Variants in HS3ST4 observed in about 807,000 individuals in gnomAD.
HS3ST4 encodes the protein heparan sulfate glucosamine 3-O-sulfotransferase 4.
In HS3ST4, 17 loss-of-function variants were observed where a neutral mutation model predicts 29.2. The ratio of observed to expected loss-of-function variants is 0.58; its 90% confidence interval spans 0.40 to 0.87. HS3ST4 has a LOEUF of 0.87. Ranked by LOEUF, HS3ST4 falls within the 40% of genes least tolerant of loss-of-function variation. HS3ST4 has a pLI of 0.00. For synonymous variants in HS3ST4, 314 were observed against 285.7 expected, an observed-to-expected ratio of 1.10 and a Z score of -1.00; for missense variants, 627 against 634.5, an observed-to-expected ratio of 0.99 and a Z score of 0.13.
At chr16:25,762,301 C>CGTG (rs762211871) in intron 1 of HS3ST4, among the ~76,000 whole-genome samples, 6 of 152,122 alleles carry the variant, frequency 3.9e-5, no homozygotes, top group Non-Finnish European at 8.8e-5. Flanking sequence ...AGGATTTGAA[C>CGTG]GTGGGTCAGT....
intron 1 of HS3ST4, among the ~76,000 whole-genome samples, chr16:26,008,636 T>C (rs1969281040): frequency 6.6e-6 from 1 of 152,046 alleles, no homozygotes; most frequent in Non-Finnish European, 1.5e-5. Flanking sequence ...CTGACCAACA[T>C]GGTGAAAGCC....
At position 26,079,967 on chromosome 16, in the gene HS3ST4, C is replaced by CA. The variant is rs1189571286; in HGVS notation, c.735-55638dup. ...CATTTGATCTCTACAATAACTCTACCAAAAAAAGAGGTCCCATTGATAGCC... is the reference window on the plus strand; with the variant it reads ...CATTTGATCTCTACAATAACTCTACCAAAAAAAAGAGGTCCCATTGATAGCC... On this transcript the variant is annotated intron_variant, in intron 1 of 1. Coordinates refer to ENST00000331351, the MANE Select transcript of HS3ST4 (RefSeq NM_006040.3). Among the ~76,000 whole-genome samples, 3 of 151,982 alleles carry CA rather than the reference C, an allele frequency of 2.0e-5. 1 individual carries two copies. Among genetic ancestry groups the CA allele is most frequent in the Admixed American group, 6.6e-5 (1 of 15,260 alleles).
intron 1 of HS3ST4, among the ~76,000 whole-genome samples, chr16:25,993,805 G>A (rs1969134152): frequency 6.6e-6 from 1 of 152,028 alleles, no homozygotes; most frequent in East Asian, 1.9e-4. Flanking sequence ...TGTAAACTAA[G>A]TGGCTTAAAT....
At chr16:25,975,239 T>C (rs561795422) in intron 1 of HS3ST4, among the ~76,000 whole-genome samples, 1 of 151,436 alleles carries the variant, frequency 6.6e-6, no homozygotes, top group Admixed American at 6.6e-5. Flanking sequence ...GAGCTAAACA[T>C]TGGGTATACA....
Position 25,981,609 on chromosome 16 carries a change from C to CTTTT in HS3ST4, c.735-153989_735-153986dup, listed in dbSNP as rs376892231. Among the ~76,000 whole-genome samples, 399 of 136,788 alleles carry CTTTT rather than the reference C, an allele frequency of 2.9e-3. 5 individuals are homozygous for CTTTT. Among genetic ancestry groups the CTTTT allele is most frequent in the African/African-American group, 9.7e-3 (354 of 36,494 alleles). The allele number at this position is 136,788 out of a possible 152,430, so 89.7% of individuals were successfully genotyped here. A position where few individuals can be genotyped will look rare whatever the true frequency, so the allele number is the denominator to read the frequency against. ...ATACTGCTGATGTAATGGTGGAGTT[C>CTTTT]TTTTTTTTTTTTTTTTTAGACGGAA... On this transcript the variant is annotated intron_variant, in intron 1 of 1. Coordinates refer to ENST00000331351, the MANE Select transcript of HS3ST4 (RefSeq NM_006040.3).
chr16:25,859,322 T>C (rs553897219), intron 1 of HS3ST4, among the ~76,000 whole-genome samples: 1 of 152,308 alleles, frequency 6.6e-6, no homozygotes, highest in South Asian at 2.1e-4. Context: ...ATTATCTTAT[T>C]TAATTCTCAT....
chr16:25,942,814 A>G (rs958164814), intron 1 of HS3ST4, among the ~76,000 whole-genome samples: 1 of 151,714 alleles, frequency 6.6e-6, no homozygotes, highest in Non-Finnish European at 1.5e-5. Context: ...TAGAGACAGA[A>G]TCCTGCTATG....
At position 26,006,300 on chromosome 16, in the gene HS3ST4, G is replaced by GAAAA. The variant is rs11461863; in HGVS notation, c.735-129290_735-129287dup. On this transcript the variant is annotated intron_variant, in intron 1 of 1. Transcript: ENST00000331351. Reference sequence around the variant, plus strand: ...GGTGACAAAGTGAGACTCTGTTTCAGAAAAAAAAAAAAAAAAAAAAAAAAA... The same window carrying GAAAA: ...GGTGACAAAGTGAGACTCTGTTTCAGAAAAAAAAAAAAAAAAAAAAAAAAAAAAA... Among the ~76,000 whole-genome samples, 105 of 68,460 alleles carry GAAAA rather than the reference G, an allele frequency of 1.5e-3. 1 individual carries two copies. Among genetic ancestry groups the GAAAA allele is most frequent in the African/African-American group, 2.7e-3 (45 of 16,496 alleles). The allele number at this position is 68,460 out of a possible 152,430, so 44.9% of individuals were successfully genotyped here.
intron 1 of HS3ST4, among the ~76,000 whole-genome samples, chr16:26,095,513 A>T (rs1898912393): frequency 6.6e-6 from 1 of 152,228 alleles, no homozygotes; most frequent in Non-Finnish European, 1.5e-5. Flanking sequence ...CTCCTGAATG[A>T]CTACTGGGTA....
chr16:26,037,272 G>A (rs1969591963), intron 1 of HS3ST4, among the ~76,000 whole-genome samples: 1 of 152,188 alleles, frequency 6.6e-6, no homozygotes, highest in Admixed American at 6.5e-5. Flanking sequence ...TACCTTCCAG[G>A]ACCTGAACCC....
At chr16:25,779,425 T>C (rs1424872766) in intron 1 of HS3ST4, among the ~76,000 whole-genome samples, 4 of 152,240 alleles carry the variant, frequency 2.6e-5, no homozygotes, top group Non-Finnish European at 5.9e-5. Context: ...GTAAGTCTGA[T>C]CTTGAAGCCC....
intron 1 of HS3ST4, among the ~76,000 whole-genome samples, chr16:25,873,754 A>G (rs1290978208): frequency 6.6e-6 from 1 of 151,754 alleles, no homozygotes; most frequent in Non-Finnish European, 1.5e-5. Context: ...CCAGTCATCC[A>G]TCTGTTCACC....
chr16:25,868,389 C>T (rs1395433017), intron 1 of HS3ST4, among the ~76,000 whole-genome samples: 1 of 152,160 alleles, frequency 6.6e-6, no homozygotes, highest in African/African-American at 2.4e-5. Context: ...TCTCTTCCCC[C>T]TTCCCCCTTC....
chr16:25,896,278 C>G (rs940691610), intron 1 of HS3ST4, among the ~76,000 whole-genome samples: 7 of 152,146 alleles, frequency 4.6e-5, no homozygotes, highest in Non-Finnish European at 1.0e-4. Flanking sequence ...GTTCTAATAG[C>G]CTTCAACCCT....
At chr16:25,927,769 A>G (rs1485839660) in intron 1 of HS3ST4, among the ~76,000 whole-genome samples, 2 of 151,894 alleles carry the variant, frequency 1.3e-5, no homozygotes, top group Admixed American at 6.5e-5. Context: ...AAACCCCTCC[A>G]TTCCTTTCTC....
At chr16:26,077,411 C>T (rs1898675475) in intron 1 of HS3ST4, among the ~76,000 whole-genome samples, 1 of 152,246 alleles carries the variant, frequency 6.6e-6, no homozygotes, top group Non-Finnish European at 1.5e-5. Context: ...TGGATATCAG[C>T]ATGGCTCTCT....
At chr16:25,751,632 G>A (rs1426344435) in intron 1 of HS3ST4, among the ~76,000 whole-genome samples, 3 of 152,162 alleles carry the variant, frequency 2.0e-5, no homozygotes, top group African/African-American at 7.2e-5. Context: ...TTTCACTCCT[G>A]CTTCACACTG....
At chr16:26,072,932 A>G (rs1370989067) in intron 1 of HS3ST4, among the ~76,000 whole-genome samples, 2 of 152,240 alleles carry the variant, frequency 1.3e-5, no homozygotes, top group Non-Finnish European at 2.9e-5. Context: ...AGAAAAGTAA[A>G]TCTCTACAAA....
At chr16:25,815,140 G>T (rs922974959) in intron 1 of HS3ST4, among the ~76,000 whole-genome samples, 1 of 152,172 alleles carries the variant, frequency 6.6e-6, no homozygotes, top group African/African-American at 2.4e-5. Context: ...ATAGGAAATG[G>T]CAAACAAGAA....
Sources: allele counts gnomAD v4.1 joint callset (sites outside exome capture counted in the v4.1 genomes callset), GRCh38; gene constraint gnomAD v4.1.1; transcripts MANE v1.5; gene names NCBI Gene and HGNC (gene_info 2026-07-23, HGNC 2026-07-21).